Variants in TMC1 observed in about 807,000 individuals in gnomAD.
TMC1 encodes the protein transmembrane channel like 1, also known as transmembrane channel-like protein 1.
TMC1 carries 84 observed loss-of-function variants against 105.8 expected under a neutral mutation model. The ratio of observed to expected loss-of-function variants is 0.79; its 90% confidence interval spans 0.67 to 0.95. The LOEUF (loss-of-function observed/expected upper bound fraction) is 0.95. Ranked by LOEUF, TMC1 falls within the 40% of genes least tolerant of loss-of-function variation. TMC1 has a pLI of 0.00. For missense variants in TMC1, 817 were observed against 914.1 expected (o/e 0.89, Z 1.37); for synonymous variants, 315 against 311.5 (o/e 1.01, Z -0.12).
chr9:72,780,866 G>C (rs545905773), intron 13 of TMC1, among the ~76,000 whole-genome samples: 1 of 152,088 alleles, frequency 6.6e-6, no homozygotes, highest in Admixed American at 6.6e-5. Context: ...CACAATAATA[G>C]CAAGAGAGTT....
chr9:72,739,740 T>G (rs999525089), intron 8 of TMC1, among the ~76,000 whole-genome samples: 3 of 152,226 alleles, frequency 2.0e-5, no homozygotes, highest in Non-Finnish European at 4.4e-5. Context: ...AAAGGAATTC[T>G]TTAAAAAGAA....
intron 18 of TMC1, among the ~76,000 whole-genome samples, chr9:72,813,859 TGTC>T (rs1257001921): frequency 1.3e-5 from 2 of 152,188 alleles, no homozygotes. Context: ...CCCAGTCAAA[TGTC>T]TGTTCTACAA....
intron 8 of TMC1, among the ~76,000 whole-genome samples, chr9:72,715,828 A>G (rs1049185870): frequency 2.6e-5 from 4 of 152,062 alleles, no homozygotes; most frequent in Admixed American, 6.5e-5. Context: ...GATCCTTTGG[A>G]GGAGAAGAGG....
intron 18 of TMC1, among the ~76,000 whole-genome samples, chr9:72,806,149 G>A (rs1407826069): frequency 3.2e-4 from 45 of 141,094 alleles, no homozygotes; most frequent in African/African-American, 9.2e-4. Flanking sequence ...CACCTCCCGG[G>A]CGGGGCGGCT....
At chr9:72,753,286 C>CTTTTTTTTTTTTTTTTTTT (rs5898269) in intron 11 of TMC1, among the ~76,000 whole-genome samples, 1 of 81,828 alleles carries the variant, frequency 1.2e-5, no homozygotes, top group East Asian at 4.2e-4. Context: ...TTAACCCCAG[C>CTTTTTTTTTTTTTTTTTTT]TTTTTTTTTT....
chr9:72,640,554 G>A, intron 4 of TMC1, among the ~76,000 whole-genome samples: 1 of 152,130 alleles, frequency 6.6e-6, no homozygotes, highest in Non-Finnish European at 1.5e-5. Context: ...TTTAGGAAAT[G>A]AAACCACAAG....
chr9:72,698,938 A>C (rs1443582751), intron 7 of TMC1, among the ~76,000 whole-genome samples: 1 of 152,098 alleles, frequency 6.6e-6, no homozygotes, highest in East Asian at 1.9e-4. Flanking sequence ...CACAAAGCAA[A>C]TATGAAGCAG....
At chr9:72,591,535 A>G (rs1157319980) in intron 2 of TMC1, among the ~76,000 whole-genome samples, 1 of 152,194 alleles carries the variant, frequency 6.6e-6, no homozygotes, top group Non-Finnish European at 1.5e-5. Context: ...TGGTTCTCAA[A>G]CTGTAGTGGA....
intron 12 of TMC1, 79 bp downstream of exon 12, chr9:72,754,963 C>A: frequency 9.9e-7 from 1 of 1,010,720 alleles, no homozygotes; most frequent in Non-Finnish European, 1.5e-6. Context: ...CCACGGCCTC[C>A]TCTCCTGGGT....
At chr9:72,684,358 A>G (rs1435770242) in intron 5 of TMC1, among the ~76,000 whole-genome samples, 1 of 152,112 alleles carries the variant, frequency 6.6e-6, no homozygotes, top group Non-Finnish European at 1.5e-5. Context: ...CCAGTGGTCA[A>G]TTTTCAGTCC....
intron 1 of TMC1, among the ~76,000 whole-genome samples, chr9:72,537,457 A>T (rs1203151712): frequency 6.6e-6 from 1 of 152,016 alleles, no homozygotes; most frequent in Non-Finnish European, 1.5e-5. Flanking sequence ...TTTAGTTACA[A>T]TTTACAACTT....
intron 4 of TMC1, among the ~76,000 whole-genome samples, chr9:72,641,793 A>G (rs902246911): frequency 2.7e-5 from 4 of 148,344 alleles, no homozygotes; most frequent in African/African-American, 9.9e-5. Context: ...AAATATGCTT[A>G]TAAGGTAGTC....
At chr9:72,668,633 C>G (rs1328629208) in intron 5 of TMC1, among the ~76,000 whole-genome samples, 1 of 152,180 alleles carries the variant, frequency 6.6e-6, no homozygotes, top group Non-Finnish European at 1.5e-5. Flanking sequence ...TCATCATTTT[C>G]CTCTAAAAGT....
chr9:72,707,371 C>T (rs1040268232), intron 8 of TMC1, among the ~76,000 whole-genome samples: 2 of 152,158 alleles, frequency 1.3e-5, no homozygotes, highest in Admixed American at 6.5e-5. Context: ...TTTACATTCC[C>T]ACCAGCAGTG....
intron 2 of TMC1, among the ~76,000 whole-genome samples, chr9:72,588,174 T>TG (rs1824583312): frequency 1.3e-5 from 2 of 152,114 alleles, no homozygotes; most frequent in African/African-American, 4.8e-5. Flanking sequence ...CTGATGGTAA[T>TG]GGTGGTTGTA....
chr9:72,616,720 T>C (rs1201539469), intron 3 of TMC1, among the ~76,000 whole-genome samples: 1 of 151,482 alleles, frequency 6.6e-6, no homozygotes, highest in African/African-American at 2.4e-5. Context: ...GGGCTGTGAA[T>C]GGAGGAAAGC....
chr9:72,634,296 C>T (rs1253516438), intron 4 of TMC1, among the ~76,000 whole-genome samples: 3 of 152,110 alleles, frequency 2.0e-5, no homozygotes. Flanking sequence ...TAGATTTTGA[C>T]AATAGTGATT....
chr9:72,581,758 G>T (rs1274362226), intron 2 of TMC1, among the ~76,000 whole-genome samples: 1 of 152,058 alleles, frequency 6.6e-6, no homozygotes, highest in Non-Finnish European at 1.5e-5. Context: ...TCAAAAGTCT[G>T]GTTATTTTTA....
At chr9:72,610,569 G>A (rs778129881) in intron 2 of TMC1, among the ~76,000 whole-genome samples, 57 of 152,186 alleles carry the variant, frequency 3.7e-4, no homozygotes, top group Non-Finnish European at 2.4e-4. Context: ...CTCTTACTCA[G>A]CCTTTTGTTC....
Sources: allele counts gnomAD v4.1 joint callset (sites outside exome capture counted in the v4.1 genomes callset), GRCh38; gene constraint gnomAD v4.1.1; transcripts MANE v1.5; gene names NCBI Gene and HGNC (gene_info 2026-07-23, HGNC 2026-07-21).